NXPE4: variants seen among roughly 807,000 people sequenced by gnomAD.
NXPE4 encodes the protein NXPE family member 4.
A neutral mutation model predicts 33.3 loss-of-function variants in NXPE4; 42 were observed. The ratio of observed to expected loss-of-function variants is 1.26; its 90% CI spans 0.98 to 1.63. The LOEUF is 1.63. NXPE4 is among the 40% of genes most tolerant of loss of function. NXPE4 has a pLI of 0.00. For missense variants in NXPE4, 709 were observed against 647.6 expected (o/e 1.09, Z -1.03); for synonymous variants, 253 against 234.9 (o/e 1.08, Z -0.71).
At chr11:114,572,923 A>C (rs1168970956) in intron 5 of NXPE4, among the ~76,000 whole-genome samples, 1 of 152,198 alleles carries the variant, frequency 6.6e-6, no homozygotes, top group East Asian at 1.9e-4. Flanking sequence ...AGATTATCTA[A>C]AGTCAAGATG....
intron 5 of NXPE4, 51 bp downstream of exon 5, chr11:114,580,081 G>C (rs1390873979): frequency 6.9e-7 from 1 of 1,453,134 alleles, no homozygotes; most frequent in East Asian, 2.3e-5. Flanking sequence ...CTTTGAAATG[G>C]AAAAGAAGTT....
the NXPE4 span, among the ~76,000 whole-genome samples, chr11:114,603,353 C>T: frequency 6.6e-6 from 1 of 151,370 alleles, no homozygotes; most frequent in Non-Finnish European, 1.5e-5. Flanking sequence ...TAGGTAACTC[C>T]TATTACCTGA....
chr11:114,577,411 G>A (rs994579510), intron 5 of NXPE4, among the ~76,000 whole-genome samples: 4 of 151,962 alleles, frequency 2.6e-5, no homozygotes, highest in East Asian at 1.9e-4. Flanking sequence ...AAGGGTCAGC[G>A]TTGGCGAGGG....
the NXPE4 span, among the ~76,000 whole-genome samples, chr11:114,615,757 A>G: frequency 1.2e-4 from 18 of 151,574 alleles, no homozygotes; most frequent in Non-Finnish European, 1.5e-5. Context: ...TCAGTGGATA[A>G]TAAGTACTGC....
chr11:114,612,348 C>T, the NXPE4 span, among the ~76,000 whole-genome samples: 20 of 152,022 alleles, frequency 1.3e-4, no homozygotes, highest in East Asian at 3.9e-3. Flanking sequence ...AGTACTGCCT[C>T]GTGGGTAACC....
chr11:114,620,234 G>A, the NXPE4 span, among the ~76,000 whole-genome samples: 490 of 151,760 alleles, frequency 3.2e-3, no homozygotes, highest in Non-Finnish European at 5.4e-3. Flanking sequence ...ACTGTTATCC[G>A]TTGGATAATA....
the NXPE4 span, among the ~76,000 whole-genome samples, chr11:114,660,264 C>T: frequency 2.0e-5 from 3 of 151,732 alleles, no homozygotes; most frequent in African/African-American, 7.3e-5. Context: ...TGATTTTTTT[C>T]AGAAAATAGA....
Position 114,580,213 on chromosome 11 carries a change from A to T in NXPE4, c.1018T>A (p.Cys340Ser), listed in dbSNP as rs766839567. The T allele has an allele frequency of 5.6e-6, 9 of 1,614,090 alleles. No homozygotes were observed. The South Asian group carries it at 8.8e-5, about 16-fold the overall frequency. Reference protein sequence around the residue: ...CSLATVKMKECLRGKLIYLMG... With the variant: ...CSLATVKMKESLRGKLIYLMG... ...AGGTATATGAGTTTTCCTCTCAGGC[A>T]TTCCTTCATTTTGACTGTAGCCAAA... Residue 340 changes from cysteine (C) to serine (S), a missense_variant, in exon 5 of 6, where the codon TGC (cysteine) becomes AGC (serine). Cys to Ser is a moderately radical substitution (Grantham distance 112). Coordinates refer to ENST00000375478, the MANE Select transcript of NXPE4 (RefSeq NM_001077639.2).
chr11:114,592,081 GA>G (rs1949470237), intron 2 of NXPE4, among the ~76,000 whole-genome samples: 2 of 152,252 alleles, frequency 1.3e-5, no homozygotes, highest in Non-Finnish European at 2.9e-5. Context: ...CATTCAATGT[GA>G]AAAAGTCAAA....
At chr11:114,674,123 AAAC>A in the NXPE4 span, among the ~76,000 whole-genome samples, 2,529 of 65,470 alleles carry the variant, frequency 0.039, 38 homozygotes, top group East Asian at 0.15. Flanking sequence ...ACAAACAAAC[AAAC>A]AAGTGAACAA....
chr11:114,667,169 T>C, the NXPE4 span, among the ~76,000 whole-genome samples: 1 of 152,156 alleles, frequency 6.6e-6, no homozygotes, highest in African/African-American at 2.4e-5. Flanking sequence ...CAGGTCCTGA[T>C]TGACAGAGAG....
At chr11:114,637,360 T>G in the NXPE4 span, among the ~76,000 whole-genome samples, 122 of 152,132 alleles carry the variant, frequency 8.0e-4, 3 homozygotes, top group Admixed American at 5.8e-3. Context: ...TGTGTGTCTC[T>G]GCCTGTGAGA....
At chr11:114,603,582 T>C in the NXPE4 span, among the ~76,000 whole-genome samples, 1 of 151,368 alleles carries the variant, frequency 6.6e-6, no homozygotes, top group African/African-American at 2.4e-5. Flanking sequence ...GTCTCCTAGG[T>C]AACTCCTATT....
At chr11:114,671,040 TA>T in the NXPE4 span, among the ~76,000 whole-genome samples, 3 of 148,100 alleles carry the variant, frequency 2.0e-5, no homozygotes, top group African/African-American at 7.4e-5. Context: ...AGGACAAATA[TA>T]TATATATAAA....
chr11:114,603,337 A>C, the NXPE4 span, among the ~76,000 whole-genome samples: 5 of 136,056 alleles, frequency 3.7e-5, no homozygotes, highest in African/African-American at 1.1e-4. Context: ...GTATTGCCTC[A>C]TCTCCTAGGT....
At chr11:114,631,455 T>G in the NXPE4 span, among the ~76,000 whole-genome samples, 62 of 139,902 alleles carry the variant, frequency 4.4e-4, no homozygotes, top group Non-Finnish European at 4.0e-4. Context: ...TTCTCACTCA[T>G]AGGTGGGAAC....
intron 2 of NXPE4, chr11:114,583,876 T>C (rs1949216487): frequency 7.6e-6 from 3 of 392,606 alleles, no homozygotes; most frequent in South Asian, 6.3e-5. Context: ...TCCCAGGAGA[T>C]GGGGACTTAT....
the NXPE4 span, among the ~76,000 whole-genome samples, chr11:114,673,096 T>C: frequency 6.7e-6 from 1 of 148,374 alleles, no homozygotes; most frequent in Non-Finnish European, 1.5e-5. Flanking sequence ...ACATATATAG[T>C]ATATATAAAA....
upstream of NXPE4, among the ~76,000 whole-genome samples, chr11:114,600,400 T>C (rs534214972): frequency 2.0e-5 from 3 of 152,266 alleles, no homozygotes; most frequent in East Asian, 5.8e-4. Context: ...ATTCCTTCAT[T>C]TACCAAATAA....
Sources: allele counts gnomAD v4.1 joint callset (sites outside exome capture counted in the v4.1 genomes callset), GRCh38; gene constraint gnomAD v4.1.1; transcripts MANE v1.5; gene names NCBI Gene and HGNC (gene_info 2026-07-23, HGNC 2026-07-21).